NIT1: variants seen among roughly 807,000 people sequenced by gnomAD.
NIT1 encodes nitrilase 1, also known as deaminated glutathione amidase.
Under a neutral mutation model 36.8 loss-of-function variants are expected in NIT1, and 30 were observed. The observed-to-expected ratio is 0.82, with a 90% CI of 0.61 to 1.11. NIT1 has a LOEUF of 1.11. Ranked by LOEUF, NIT1 falls within the 50% of genes least tolerant of loss-of-function variation. The pLI is 0.00. For synonymous variants in NIT1, 151 were observed against 155.6 expected (o/e 0.97, Z 0.22); for missense variants, 438 against 410.6 (o/e 1.07, Z -0.58).
At chr1:161,122,850 TAAC>T, downstream of NIT1, 2 of 828,660 alleles carry the variant, frequency 2.4e-6, no homozygotes, top group South Asian at 1.7e-5. This position sits in a 1 kb window ranked among gnomAD's most constrained non-coding sequence, Gnocchi z 4.2. Flanking sequence ...AAGGATGTCA[TAAC>T]AACATCCCTG....
At chr1:161,119,419 A>C (rs371117752) in intron 3 of NIT1, 31 bp downstream of exon 3, 10 of 1,613,184 alleles carry the variant, frequency 6.2e-6, no homozygotes, top group Non-Finnish European at 8.5e-6. Context: ...GAGAGGTAGA[A>C]TCTTTGTTGG....
downstream of NIT1, among the ~76,000 whole-genome samples, chr1:161,123,615 G>A (rs1310818359): frequency 2.8e-5 from 4 of 143,958 alleles, no homozygotes; most frequent in East Asian, 8.2e-4. Flanking sequence ...CAGCCTGGGC[G>A]ACAGAGGGAG....
intron 5 of NIT1, 74 bp downstream of exon 5, chr1:161,120,026 G>A: frequency 1.2e-6 from 2 of 1,607,972 alleles, no homozygotes; most frequent in Non-Finnish European, 1.7e-6. Context: ...AAAGCCCTAA[G>A]AGAGGGGGTA....
At chr1:161,118,991 C>G in intron 2 of NIT1, 110 bp downstream of exon 2, 1 of 1,326,552 alleles carries the variant, frequency 7.5e-7, no homozygotes, top group South Asian at 1.2e-5. Context: ...ATTGGTGAGC[C>G]CTACTAGCCC....
At chr1:161,121,881 C>T (rs571111990), downstream of NIT1, 59 of 426,378 alleles carry the variant, frequency 1.4e-4, no homozygotes, top group Middle Eastern at 6.4e-4. Flanking sequence ...TCTTCCTATA[C>T]ATTTGTCTTA....
chr1:161,118,323 G>T (rs1199875233), intron 1 of NIT1, 145 bp downstream of exon 1: 1 of 1,536,900 alleles, frequency 6.5e-7, no homozygotes, highest in Non-Finnish European at 8.7e-7. Context: ...GCGGGGCGCG[G>T]CTTGGGGCCT....
Position 161,119,153 on chromosome 1 carries a change from T to C in NIT1, c.118T>C (p.Ser40Pro), listed in dbSNP as rs749748701. 19 of 1,613,738 alleles carry C rather than the reference T, an allele frequency of 1.2e-5. No homozygotes were observed. The Admixed American group carries it at 3.2e-4, about 27-fold the overall frequency. Residue 40 changes from serine to proline, a missense_variant, in exon 3 of 7, where the codon TCC (serine) becomes CCC (proline). Coordinates refer to ENST00000368009, the MANE Select transcript of NIT1 (RefSeq NM_005600.3). The stretch of plus-strand genomic sequence containing the variant: ...TCACAGGCCCAGAGCCATGGCTATC[T>C]CCTCTTCCTCCTGCGAACTGCCCCT... ...AQPRPRAMAI[S>P]SSSCELPLVA... is the part of the protein sequence containing the mutation.
intron 1 of NIT1, 68 bp downstream of exon 1, chr1:161,118,246 G>A: frequency 6.2e-7 from 1 of 1,613,578 alleles, no homozygotes; most frequent in South Asian, 1.1e-5. Flanking sequence ...TTGTGTAACA[G>A]AGATGCTGCC....
chr1:161,123,601 A>G (rs1266527474), downstream of NIT1, among the ~76,000 whole-genome samples: 2 of 147,118 alleles, frequency 1.4e-5, no homozygotes, highest in East Asian at 4.0e-4. Context: ...GCGCCACTGC[A>G]CTCCAGCCTG....
downstream of NIT1, chr1:161,122,560 C>A: frequency 6.3e-7 from 1 of 1,590,272 alleles, no homozygotes; most frequent in Non-Finnish European, 8.6e-7. The surrounding 1 kb of genome is among the most constrained non-coding windows in gnomAD (Gnocchi z 4.2). Flanking sequence ...GAAGAGGTTA[C>A]AGTAAGGGAT....
downstream of NIT1, chr1:161,121,280 C>A (rs568202973): frequency 1.2e-5 from 8 of 688,036 alleles, no homozygotes; most frequent in Non-Finnish European, 5.4e-6. Flanking sequence ...ACTTCACTTA[C>A]ACCTATGATG....
Position 161,118,718 on chromosome 1 carries a change from A to C in NIT1, c.3-68A>C, listed in dbSNP as rs921232348. ...TTCAGGCTCACAGTATAAAGAGAGA[A>C]GTCAGAGAATCCTAGAAATTTATTG... On this transcript the variant is annotated intron_variant, in intron 1 of 6. Transcript: ENST00000368009. 2.7e-6 allele frequency: 4 copies of C among 1,481,614 alleles called. No homozygotes were observed. In the East Asian group the frequency reaches 9.0e-5, roughly 33 times the overall value. The allele number at this position is 1,481,614 out of a possible 1,614,324, so 91.8% of individuals were successfully genotyped here. A position where few individuals can be genotyped will look rare whatever the true frequency, so the allele number is the denominator to read the frequency against.
Position 161,121,001 on chromosome 1 carries a change from A to T in NIT1, c.*236A>T. On this transcript the variant is annotated 3_prime_UTR_variant, in exon 7 of 7. Coordinates refer to ENST00000368009, the MANE Select transcript of NIT1 (RefSeq NM_005600.3). ...ATTTTATATAGTCATTGTTTATTTC[A>T]TGGAAACTGAAGTTCTGCTGAGGGC... is the stretch of plus-strand genomic sequence containing the variant. 7.2e-7 allele frequency: 1 copy of T among 1,389,322 alleles called. No individual in the cohort carries two copies. Among genetic ancestry groups the T allele is most frequent in the Non-Finnish European group, 9.3e-7 (1 of 1,072,750 alleles). The allele number at this position is 1,389,322 out of a possible 1,614,324, so 86.1% of individuals were successfully genotyped here. A position where few individuals can be genotyped will look rare whatever the true frequency, so the allele number is the denominator to read the frequency against.
At chr1:161,124,201 G>A (rs762171480), downstream of NIT1, 3 of 1,614,262 alleles carry the variant, frequency 1.9e-6, no homozygotes, top group South Asian at 2.2e-5. Context: ...ATGCGCAGCA[G>A]CTGCAGCACC....
downstream of NIT1, chr1:161,124,344 C>G: frequency 1.2e-6 from 2 of 1,614,252 alleles, no homozygotes; most frequent in Non-Finnish European, 1.7e-6. Flanking sequence ...GCGCACATCT[C>G]TGTGTGTCAG....
Position 161,120,217 on chromosome 1 carries a change from C to T in NIT1, c.702C>T (p.Gly234=), listed in dbSNP as rs139417894. Residue 234 remains glycine (G), a synonymous_variant, in exon 6 of 7, where the codon GGC becomes GGT. Coordinates refer to ENST00000368009, the MANE Select transcript of NIT1 (RefSeq NM_005600.3). The part of the protein sequence containing the change: ...TYPSAFGSIT[G]PAHWEVLLRA... The stretch of plus-strand genomic sequence containing the variant: ...CTTCAGCTTTTGGATCCATTACAGG[C>T]CCAGCCCACTGGGAGGTAAGATGAT... 1.4e-5 allele frequency: 23 copies of T among 1,613,950 alleles called. No individual in the cohort carries two copies. Among genetic ancestry groups the T allele is most frequent in the Non-Finnish European group, 1.9e-5 (23 of 1,180,002 alleles).
Position 161,119,344 on chromosome 1 carries a change from A to C in NIT1, c.309A>C (p.Glu103Asp). The change falls in exon 3 of 7, where the codon GAA becomes GAC. Residue 103 changes from glutamate (E) to aspartate (D), a missense_variant. Transcript: ENST00000368009. ...CTGCAGAGACGCTACACCTGTCTGA[A>C]CCACTGGGTGGGAAACTTTTGGAAG... The part of the protein sequence containing the change: ...RDPAETLHLS[E>D]PLGGKLLEEY... 1 of 1,614,190 alleles carries C rather than the reference A, an allele frequency of 6.2e-7. No individual in the cohort carries two copies. Among genetic ancestry groups the C allele is most frequent in the Non-Finnish European group, 8.5e-7 (1 of 1,180,016 alleles).
downstream of NIT1, chr1:161,123,061 T>C (rs750781889): frequency 5.6e-6 from 9 of 1,614,096 alleles, no homozygotes; most frequent in East Asian, 6.7e-5. Flanking sequence ...TCTGGAACCC[T>C]TGAACTTCCT....
In NIT1 at chr1:161,121,164, C is replaced by T. The variant is rs1655450969; in HGVS notation, c.*399C>T. 3 of 1,050,474 alleles carry T rather than the reference C, an allele frequency of 2.9e-6. No individual in the cohort carries two copies. Among genetic ancestry groups the T allele is most frequent in the Admixed American group, 5.0e-5 (1 of 19,948 alleles). 65.1% of individuals were successfully genotyped at this position (1,050,474 alleles called of 1,614,324 possible). A position where few individuals can be genotyped will look rare whatever the true frequency, so the allele number is the denominator to read the frequency against. On this transcript the variant is annotated 3_prime_UTR_variant, in exon 7 of 7. Transcript: ENST00000368009. ...TAGACCTCCTGGCTCATTCAACATG[C>T]CTCCCTACCTAAATAAAAGTGCAAC... is the stretch of plus-strand genomic sequence containing the variant.
Sources: gnomAD v4.1 joint callset for allele counts (sites outside exome capture counted in the v4.1 genomes callset) on GRCh38, gnomAD v4.1.1 for gene constraint, Gnocchi (gnomAD v3.1) non-coding constraint, MANE v1.5 for transcripts, NCBI Gene and HGNC (gene_info 2026-07-23, HGNC 2026-07-21) for gene names.